The following KCNQ1 variants were observed in gnomAD, a reference collection of about 807,000 sequenced individuals.
The protein encoded by KCNQ1 is potassium voltage-gated channel subfamily KQT member 1.
KCNQ1 carries 49 observed loss-of-function variants against 72.4 expected under a neutral mutation model. The observed-to-expected ratio is 0.68, with a 90% CI of 0.54 to 0.86. KCNQ1 has a LOEUF of 0.86. KCNQ1 is among the 40% of genes least tolerant of loss of function. The pLI is 0.00. For synonymous variants in KCNQ1, 450 were observed against 412.6 expected (o/e 1.09, Z -1.10); for missense variants, 790 against 945.1 (o/e 0.84, Z 2.15).
intron 11 of KCNQ1, among the ~76,000 whole-genome samples, chr11:2,754,790 A>T (rs1846274351): frequency 6.6e-6 from 1 of 152,256 alleles, no homozygotes; most frequent in Non-Finnish European, 1.5e-5. Context: ...AACTCGGCAT[A>T]GGGAAATATT....
At chr11:2,510,111 A>T (rs1030843279) in intron 1 of KCNQ1, among the ~76,000 whole-genome samples, 3 of 151,840 alleles carry the variant, frequency 2.0e-5, no homozygotes, top group Non-Finnish European at 4.4e-5. Flanking sequence ...CTCTAAAAAA[A>T]AAAATTAAAA....
rs1443584266 is a variant in KCNQ1 at position 2,735,923 on chromosome 11, G to A, written c.1515-32921G>A. Among the ~76,000 whole-genome samples the A allele has an allele frequency of 6.6e-6, 1 of 151,788 alleles. No individual in the cohort carries two copies. The highest frequency in any genetic ancestry group is 6.6e-5 in the Admixed American group (1 of 15,242). On this transcript the variant is annotated intron_variant, in intron 11 of 15. Transcript: ENST00000155840. This position sits in a 1 kb window ranked among gnomAD's most constrained non-coding sequence, Gnocchi z 7.7. ...ATAAGACCCCATCTCCAGACACACA[G>A]TCACAGTCAGAGGCAGGAGGAGGTG... is the stretch of plus-strand genomic sequence containing the variant.
chr11:2,686,827 T>G, intron 11 of KCNQ1: 1 of 398,690 alleles, frequency 2.5e-6, no homozygotes, highest in Non-Finnish European at 4.4e-6. Context: ...GCAGCACAAG[T>G]AACTCAGAGC....
rs1040296046 is a variant in KCNQ1 at position 2,657,608 on chromosome 11, T to A, written c.1394-4353T>A. On this transcript the variant is annotated intron_variant, in intron 10 of 15. Coordinates refer to ENST00000155840, the MANE Select transcript of KCNQ1 (RefSeq NM_000218.3). The surrounding 1 kb of genome is among the most constrained non-coding windows in gnomAD (Gnocchi z 4.8). ...GGTACATTGACCAAAACTAAAAAAT[T>A]AACATTGGTACACTATTAAGCTAGA... 2.5e-6 allele frequency: 1 copy of A among 398,628 alleles called. No homozygotes were observed. The highest frequency in any genetic ancestry group is 4.4e-6 in the Non-Finnish European group (1 of 226,060). 24.7% of individuals were successfully genotyped at this position (398,628 alleles called of 1,614,324 possible).
At chr11:2,517,305 G>T (rs1373259991) in intron 1 of KCNQ1, among the ~76,000 whole-genome samples, 1 of 152,196 alleles carries the variant, frequency 6.6e-6, no homozygotes, top group Admixed American at 6.5e-5. Flanking sequence ...GATGGGGATG[G>T]GGTGAGATGC....
chr11:2,561,796 GGGGC>G (rs1848171210), intron 2 of KCNQ1, among the ~76,000 whole-genome samples: 7 of 152,222 alleles, frequency 4.6e-5, no homozygotes, highest in Admixed American at 3.3e-4. Flanking sequence ...TAGCTGTGCA[GGGGC>G]CCAGAAGCCC....
At chr11:2,480,847 A>G (rs1412120604) in intron 1 of KCNQ1, among the ~76,000 whole-genome samples, 1 of 152,226 alleles carries the variant, frequency 6.6e-6, no homozygotes, top group African/African-American at 2.4e-5. Context: ...GGAGGCGTTT[A>G]GCAGAAAACA....
In KCNQ1 at chr11:2,679,001, G is replaced by T; in HGVS notation, c.1514+16920G>T. 1 of 398,526 alleles carries T rather than the reference G, an allele frequency of 2.5e-6. No individual in the cohort carries two copies. The highest frequency in any genetic ancestry group is 4.4e-5 in the Admixed American group (1 of 22,716). The allele number at this position is 398,526 out of a possible 1,614,324, so 24.7% of individuals were successfully genotyped here. A position where few individuals can be genotyped will look rare whatever the true frequency, so the allele number is the denominator to read the frequency against. On this transcript the variant is annotated intron_variant, in intron 11 of 15. Coordinates refer to ENST00000155840, the MANE Select transcript of KCNQ1 (RefSeq NM_000218.3). This position sits in a 1 kb window ranked among gnomAD's most constrained non-coding sequence, Gnocchi z 4.8. ...CTAATTCAAGAATTTTTAAAAACCC[G>T]CAATAAGAAACATAATCTAAAACTT...
intron 1 of KCNQ1, among the ~76,000 whole-genome samples, chr11:2,502,617 A>G (rs1290682577): frequency 6.6e-6 from 1 of 152,216 alleles, no homozygotes; most frequent in African/African-American, 2.4e-5. Flanking sequence ...TGTCTAAAGC[A>G]ATCTACAGAT....
At chr11:2,485,694 C>G (rs1564794611) in intron 1 of KCNQ1, among the ~76,000 whole-genome samples, 1 of 152,182 alleles carries the variant, frequency 6.6e-6, no homozygotes, top group African/African-American at 2.4e-5. Context: ...CTCCCCCATT[C>G]TCTCTTCCCC....
intron 11 of KCNQ1, among the ~76,000 whole-genome samples, chr11:2,749,265 G>A (rs892019867): frequency 6.6e-6 from 1 of 152,182 alleles, no homozygotes; most frequent in African/African-American, 2.4e-5. Context: ...GGCTCTGCAG[G>A]GAGGGGTTTG....
Position 2,458,237 on chromosome 11 carries a change from G to T in KCNQ1, c.386+12753G>T, listed in dbSNP as rs1473451228. ...AAATAACAGAGGAAGTGGATGAGCT[G>T]CATTGATGGGGTTCAGATCCCAAGT... On this transcript the variant is annotated intron_variant, in intron 1 of 15. Coordinates refer to ENST00000155840, the MANE Select transcript of KCNQ1 (RefSeq NM_000218.3). This position sits in a 1 kb window ranked among gnomAD's most constrained non-coding sequence, Gnocchi z 4.6. Among the ~76,000 whole-genome samples, 1 of 152,152 alleles carries T rather than the reference G, an allele frequency of 6.6e-6. No individual in the cohort carries two copies. Among genetic ancestry groups the T allele is most frequent in the Non-Finnish European group, 1.5e-5 (1 of 68,032 alleles).
chr11:2,744,936 T>G (rs905252078), intron 11 of KCNQ1, among the ~76,000 whole-genome samples: 1 of 152,180 alleles, frequency 6.6e-6, no homozygotes, highest in Non-Finnish European at 1.5e-5. Context: ...CTTTGTGGTC[T>G]AGTGTGTTCC....
chr11:2,517,031 C>T (rs1358434427), intron 1 of KCNQ1, among the ~76,000 whole-genome samples: 1 of 152,198 alleles, frequency 6.6e-6, no homozygotes, highest in Admixed American at 6.5e-5. Flanking sequence ...GTGTTCACCC[C>T]CCAGGCTGCT....
In KCNQ1 at chr11:2,549,730, G is replaced by T. The variant is rs889662050; in HGVS notation, c.478-20898G>T. The stretch of plus-strand genomic sequence containing the variant: ...CCTGGGCTCCCCAGGCCTGGTGTGG[G>T]GGTGCCTGGGGGGCAGTGGACGTGA... On this transcript the variant is annotated intron_variant, in intron 2 of 15. Transcript: ENST00000155840. The surrounding 1 kb of genome is among the most constrained non-coding windows in gnomAD (Gnocchi z 6.2). Among the ~76,000 whole-genome samples the T allele has an allele frequency of 3.3e-5, 5 of 152,050 alleles. No individual in the cohort carries two copies. Among genetic ancestry groups the T allele is most frequent in the African/African-American group, 1.2e-4 (5 of 41,402 alleles).
In KCNQ1 at chr11:2,498,672, C is replaced by G. The variant is rs542191639; in HGVS notation, c.387-29256C>G. Among the ~76,000 whole-genome samples, 2 of 152,224 alleles carry G rather than the reference C, an allele frequency of 1.3e-5. No homozygotes were observed. The highest frequency in any genetic ancestry group is 2.9e-5 in the Non-Finnish European group (2 of 68,034). ...AGACCACTTGGCTTCCTGGCCTCAG[C>G]CCCCTTTCCAGGGGAGTAAATGATT... On this transcript the variant is annotated intron_variant, in intron 1 of 15. Coordinates refer to ENST00000155840, the MANE Select transcript of KCNQ1 (RefSeq NM_000218.3). This position sits in a 1 kb window ranked among gnomAD's most constrained non-coding sequence, Gnocchi z 4.8.
Position 2,508,881 on chromosome 11 carries a change from C to T in KCNQ1, c.387-19047C>T, listed in dbSNP as rs1284142051. 6.6e-6 allele frequency among the ~76,000 whole-genome samples: 1 copy of T among 152,246 alleles called. No homozygotes were observed. Among genetic ancestry groups the T allele is most frequent in the Non-Finnish European group, 1.5e-5 (1 of 68,050 alleles). ...TCCACACCCATGTGCCTGATGCACA[C>T]AGCCTGGCCCTTGTGGGCACTGGAG... On this transcript the variant is annotated intron_variant, in intron 1 of 15. Coordinates refer to ENST00000155840, the MANE Select transcript of KCNQ1 (RefSeq NM_000218.3). This position sits in a 1 kb window ranked among gnomAD's most constrained non-coding sequence, Gnocchi z 6.2.
Position 2,642,927 on chromosome 11 carries a change from C to A in KCNQ1, c.1394-19034C>A. 5.0e-6 allele frequency: 2 copies of A among 397,912 alleles called. No individual in the cohort carries two copies. Among genetic ancestry groups the A allele is most frequent in the South Asian group, 2.6e-4 (2 of 7,826 alleles). The allele number at this position is 397,912 out of a possible 1,614,324, so 24.6% of individuals were successfully genotyped here. On this transcript the variant is annotated intron_variant, in intron 10 of 15. Coordinates refer to ENST00000155840, the MANE Select transcript of KCNQ1 (RefSeq NM_000218.3). This position sits in a 1 kb window ranked among gnomAD's most constrained non-coding sequence, Gnocchi z 4.3. ...TTAATTTCTTCTTTGACCCATTGGT[C>A]ATTCAGGAACATGTTAATTTCCATT... is the stretch of plus-strand genomic sequence containing the variant.
At chr11:2,572,668 C>T (rs1027025309) in intron 5 of KCNQ1, among the ~76,000 whole-genome samples, 178 bp from the exon 6 acceptor site, 13 of 152,254 alleles carry the variant, frequency 8.5e-5, no homozygotes, top group East Asian at 5.8e-4. Flanking sequence ...AACCCCCACC[C>T]GCCACTTACC....
Sources: allele counts gnomAD v4.1 joint callset (sites outside exome capture counted in the v4.1 genomes callset), GRCh38; gene constraint gnomAD v4.1.1; non-coding constraint Gnocchi (gnomAD v3.1); transcripts MANE v1.5; gene names NCBI Gene and HGNC (gene_info 2026-07-23, HGNC 2026-07-21).